FRMD4A: variants seen among roughly 807,000 people sequenced by gnomAD.
FRMD4A encodes FERM domain-containing protein 4A.
In FRMD4A, 29 loss-of-function variants were observed where a neutral mutation model predicts 129.1. That is an observed-to-expected ratio of 0.22 (90% CI 0.17 to 0.31). The LOEUF is 0.31. Ranked by LOEUF, FRMD4A falls within the 10% of genes least tolerant of loss-of-function variation. The pLI, the probability that FRMD4A is intolerant of heterozygous loss-of-function variation, is 1.00. For synonymous variants in FRMD4A, 634 were observed against 571.6 expected (o/e 1.11, Z -1.56); for missense variants, 1,272 against 1,375.8 (o/e 0.92, Z 1.19).
chr10:14,057,724 C>T (rs1834608910), intron 2 of FRMD4A, among the ~76,000 whole-genome samples: 1 of 152,166 alleles, frequency 6.6e-6, no homozygotes, highest in African/African-American at 2.4e-5. Context: ...GCAGGGGCCA[C>T]CCTGCCCGGC....
chr10:13,743,604 C>T (rs78616541), intron 9 of FRMD4A, among the ~76,000 whole-genome samples: 7,862 of 152,210 alleles, frequency 0.052, 264 homozygotes, highest in Non-Finnish European at 0.076. Context: ...TGTTTAACCA[C>T]GACATGTCCT....
At chr10:14,110,140 A>AAAAAAAAAC in intron 2 of FRMD4A, among the ~76,000 whole-genome samples, 1 of 150,668 alleles carries the variant, frequency 6.6e-6, no homozygotes, top group Non-Finnish European at 1.5e-5. Flanking sequence ...AAAAAAAAAA[A>AAAAAAAAAC]AAAAAAAGCT....
chr10:13,745,693 G>A (rs915125488), intron 9 of FRMD4A, among the ~76,000 whole-genome samples: 5 of 152,144 alleles, frequency 3.3e-5, no homozygotes, highest in Admixed American at 2.6e-4. Context: ...GCATAGCAGT[G>A]TTCTAAGGTT....
chr10:13,673,226 C>T (rs1293145436), intron 16 of FRMD4A, among the ~76,000 whole-genome samples: 1 of 152,208 alleles, frequency 6.6e-6, no homozygotes. Context: ...TCACATAGCG[C>T]ATTCCCCAGC....
At chr10:14,258,424 G>A (rs1844690443) in intron 2 of FRMD4A, among the ~76,000 whole-genome samples, 4 of 151,728 alleles carry the variant, frequency 2.6e-5, no homozygotes, top group Admixed American at 2.6e-4. Flanking sequence ...CAGATACAAG[G>A]ATGGCAAATA....
At chr10:14,284,335 A>G (rs924846705) in intron 2 of FRMD4A, among the ~76,000 whole-genome samples, 2 of 152,168 alleles carry the variant, frequency 1.3e-5, no homozygotes, top group Non-Finnish European at 2.9e-5. Context: ...AATTTATACC[A>G]ACAAAACCCA....
Position 13,645,929 on chromosome 10 carries a change from TGAGA to T in FRMD4A, c.*1105_*1108del, listed in dbSNP as rs2081090680. ...GATACGCTTTTACTGGTTGGTTTAATGAGAGAGAACCACTTTTGGCCATTATCAC... is the reference window on the plus strand; with the variant it reads ...GATACGCTTTTACTGGTTGGTTTAATGAGAACCACTTTTGGCCATTATCAC... On this transcript the variant is annotated 3_prime_UTR_variant, in exon 25 of 25. Transcript: ENST00000357447. 6.6e-6 allele frequency: 1 copy of T among 152,630 alleles called. No homozygotes were observed. The highest frequency in any genetic ancestry group is 1.5e-5 in the Non-Finnish European group (1 of 68,046). 9.5% of individuals were successfully genotyped at this position (152,630 alleles called of 1,614,324 possible).
At chr10:14,253,965 A>C (rs759941099) in intron 2 of FRMD4A, among the ~76,000 whole-genome samples, 1 of 152,106 alleles carries the variant, frequency 6.6e-6, no homozygotes, top group African/African-American at 2.4e-5. Context: ...TCCAGCTTGC[A>C]GTTCCCCTCT....
intron 3 of FRMD4A, among the ~76,000 whole-genome samples, chr10:13,848,820 C>T (rs547354114): frequency 5.8e-4 from 88 of 152,288 alleles, no homozygotes; most frequent in Admixed American, 9.8e-4. Context: ...CGTGTCTCCT[C>T]CCTCCTTACC....
chr10:13,685,533 CA>C (rs2084991205), intron 15 of FRMD4A: 1 of 984,946 alleles, frequency 1.0e-6, no homozygotes, highest in South Asian at 4.7e-5. Context: ...ATTGCAATAC[CA>C]ACGTTTGCAG....
intron 23 of FRMD4A, 57 bp from the exon 24 acceptor site, chr10:13,652,031 C>G: frequency 1.1e-6 from 1 of 902,470 alleles, no homozygotes; most frequent in Non-Finnish European, 1.9e-6. Flanking sequence ...CAGAGAGACA[C>G]TGACACAGAC....
At chr10:14,135,001 AT>A (rs992327780) in intron 2 of FRMD4A, among the ~76,000 whole-genome samples, 1 of 152,064 alleles carries the variant, frequency 6.6e-6, no homozygotes, top group African/African-American at 2.4e-5. Flanking sequence ...TGAGGGACTA[AT>A]TTTTTTTGAG....
chr10:13,649,689 TATTCTCAAGTCTG>T (rs2081392487), intron 24 of FRMD4A: 2 of 152,258 alleles, frequency 1.3e-5, no homozygotes, highest in Admixed American at 1.3e-4. Context: ...ATTGGTCTTT[TATTCTCAAGTCTG>T]GGGAAGAGAC....
intron 2 of FRMD4A, among the ~76,000 whole-genome samples, chr10:14,273,547 C>T (rs1365427375): frequency 6.6e-6 from 1 of 152,132 alleles, no homozygotes; most frequent in African/African-American, 2.4e-5. Context: ...TAGCAGTCTA[C>T]TCTGCTCATC....
At chr10:14,104,269 C>T (rs550427313) in intron 2 of FRMD4A, among the ~76,000 whole-genome samples, 31 of 151,866 alleles carry the variant, frequency 2.0e-4, no homozygotes, top group African/African-American at 6.3e-4. Flanking sequence ...GGGGTTACAC[C>T]GCCATTGAGG....
At chr10:14,166,358 G>A (rs989890056) in intron 2 of FRMD4A, among the ~76,000 whole-genome samples, 2 of 151,950 alleles carry the variant, frequency 1.3e-5, no homozygotes, top group South Asian at 2.1e-4. Flanking sequence ...AATGATACAA[G>A]AAACTAACTT....
intron 2 of FRMD4A, among the ~76,000 whole-genome samples, chr10:13,993,260 C>T (rs1050091191): frequency 6.6e-6 from 1 of 152,152 alleles, no homozygotes; most frequent in Non-Finnish European, 1.5e-5. Context: ...TATTTGACAT[C>T]GTGGTGAGAT....
At chr10:14,322,066 C>T (rs1218434) in intron 2 of FRMD4A, among the ~76,000 whole-genome samples, 80,568 of 151,974 alleles carry the variant, frequency 0.53, 21,862 homozygotes, top group Non-Finnish European at 0.6. Flanking sequence ...ATACAGCCTG[C>T]GAAACTGTGA....
At chr10:13,724,846 C>T (rs1048372145) in intron 12 of FRMD4A, among the ~76,000 whole-genome samples, 1 of 152,162 alleles carries the variant, frequency 6.6e-6, no homozygotes. Flanking sequence ...GTCGAGGAGA[C>T]CAGGCATTGT....
Sources: allele counts gnomAD v4.1 joint callset (sites outside exome capture counted in the v4.1 genomes callset), GRCh38; gene constraint gnomAD v4.1.1; transcripts MANE v1.5; gene names NCBI Gene and HGNC (gene_info 2026-07-23, HGNC 2026-07-21).